SWT1: variants seen among roughly 807,000 people sequenced by gnomAD.
SWT1 encodes SWT1 RNA endoribonuclease homolog, also known as transcriptional protein SWT1.
A neutral mutation model predicts 107.3 loss-of-function variants in SWT1; 33 were observed. The ratio of observed to expected loss-of-function variants is 0.31; its 90% CI spans 0.23 to 0.41. The LOEUF (loss-of-function observed/expected upper bound fraction) is 0.41, where lower values mean the gene tolerates loss of function less well. Among genes scored for constraint, SWT1 ranks in the 10% least tolerant of loss-of-function variants. The pLI, the probability that SWT1 is intolerant of heterozygous loss-of-function variation, is 1.00. For synonymous variants in SWT1, 345 were observed against 348.3 expected (o/e 0.99, Z 0.11); for missense variants, 898 against 1,028.9 (o/e 0.87, Z 1.74).
intron 16 of SWT1, among the ~76,000 whole-genome samples, chr1:185,265,533 C>T (rs548167915): frequency 3.9e-5 from 6 of 152,244 alleles, no homozygotes; most frequent in South Asian, 4.1e-4. Context: ...TTGATAATAT[C>T]GTTCAGACAT....
rs371457115 is a variant in SWT1 at position 185,231,557 on chromosome 1, C to G, written c.2310-20C>G. 4.4e-6 allele frequency: 7 copies of G among 1,576,984 alleles called. No homozygotes were observed. Among genetic ancestry groups the G allele is most frequent in the African/African-American group, 4.1e-5 (3 of 73,644 alleles). On this transcript the variant is annotated intron_variant, in intron 15 of 18. Transcript: ENST00000367500. ...AATATGTATGTATACCTATGAGTAT[C>G]TTTTTTTTCTCTATTTTAGCACGGA...
chr1:185,262,773 A>C (rs1326682361), intron 16 of SWT1, among the ~76,000 whole-genome samples: 3 of 150,152 alleles, frequency 2.0e-5, no homozygotes. Flanking sequence ...CACTTTGTCC[A>C]AATTTCTTCT....
rs772420546 is a variant in SWT1 at position 185,175,039 on chromosome 1, C to T, written c.892C>T (p.His298Tyr). 4 of 1,601,562 alleles carry T rather than the reference C, an allele frequency of 2.5e-6. No homozygotes were observed. The highest frequency in any genetic ancestry group is 2.6e-6 in the Non-Finnish European group (3 of 1,175,228). Reference protein sequence around the residue: ...LSDFTYKRTVHEWKRKHHYDH... With the variant: ...LSDFTYKRTVYEWKRKHHYDH... ...AGATTTTACATATAAGCGGACTGTT[C>T]ATGAGTGGAAACGAAAACATCATTA... Residue 298 changes from histidine (H) to tyrosine (Y), a missense_variant, in exon 5 of 19, where the codon CAT (histidine) becomes TAT (tyrosine). Physicochemically the swap from His to Tyr is moderately conservative, Grantham distance 83. This residue lies in a region of SWT1 where 382 missense variants were observed against 362.4 expected (regional missense o/e 1.05). Transcript: ENST00000367500.
intron 16 of SWT1, among the ~76,000 whole-genome samples, chr1:185,258,980 T>G (rs1662829650): frequency 6.6e-6 from 1 of 152,170 alleles, no homozygotes; most frequent in Non-Finnish European, 1.5e-5. Flanking sequence ...GACTGTTATT[T>G]TATTTTTTCC....
intron 1 of SWT1, among the ~76,000 whole-genome samples, chr1:185,158,871 G>A (rs1653890195): frequency 6.6e-6 from 1 of 152,176 alleles, no homozygotes; most frequent in Non-Finnish European, 1.5e-5. Flanking sequence ...GGTTGATCTG[G>A]CTTTGGGTCT....
intron 4 of SWT1, chr1:185,171,611 G>C (rs1357597901): frequency 2.0e-6 from 1 of 510,566 alleles, no homozygotes; most frequent in African/African-American, 2.0e-5. Context: ...CAGCATCCAT[G>C]ATCCGTCTTC....
chr1:185,159,803 C>T (rs1329548508), intron 1 of SWT1, among the ~76,000 whole-genome samples: 2 of 152,098 alleles, frequency 1.3e-5, no homozygotes, highest in African/African-American at 4.8e-5. Flanking sequence ...TTACTCACTA[C>T]AACCTCTGCC....
chr1:185,246,047 T>C (rs1661583747), intron 16 of SWT1, among the ~76,000 whole-genome samples: 1 of 151,830 alleles, frequency 6.6e-6, no homozygotes, highest in African/African-American at 2.4e-5. Context: ...AGATTACAGG[T>C]GTGAGCCACC....
chr1:185,235,064 C>T (rs754456948), intron 16 of SWT1, among the ~76,000 whole-genome samples: 1 of 152,036 alleles, frequency 6.6e-6, no homozygotes, highest in Non-Finnish European at 1.5e-5. Flanking sequence ...ATTGAGGCAG[C>T]AATTAATAGC....
intron 4 of SWT1, among the ~76,000 whole-genome samples, chr1:185,169,134 G>C (rs1291598486): frequency 6.6e-6 from 1 of 152,074 alleles, no homozygotes. Context: ...TCTGTCTTTT[G>C]TTCACTTTTT....
At chr1:185,280,757 G>A (rs1664564091) in intron 18 of SWT1, 1 of 266,644 alleles carries the variant, frequency 3.8e-6, no homozygotes, top group Non-Finnish European at 7.5e-6. Flanking sequence ...AGGAGAAGCT[G>A]GGCCTGGAGG....
chr1:185,228,169 G>GTATATATATA lies in SWT1; in HGVS notation c.2310-3397_2310-3388dup, dbSNP rs757812651. Among the ~76,000 whole-genome samples, 169 of 79,288 alleles carry GTATATATATA rather than the reference G, an allele frequency of 2.1e-3. 3 individuals are homozygous for GTATATATATA. Among genetic ancestry groups the GTATATATATA allele is most frequent in the South Asian group, 0.018 (44 of 2,430 alleles). The allele number at this position is 79,288 out of a possible 152,430, so 52.0% of individuals were successfully genotyped here. On this transcript the variant is annotated intron_variant, in intron 15 of 18. Transcript: ENST00000367500. ...AGTATGTCACATTAAAAAAAAATGT[G>GTATATATATA]TATATATATATATATATATACATAT...
chr1:185,215,104 C>T lies in SWT1; in HGVS notation c.2121+449C>T, dbSNP rs185396979. On this transcript the variant is annotated intron_variant, in intron 14 of 18. Transcript: ENST00000367500. ...TTTACTTTTTATTTTGAAATAATTT[C>T]AAACTTATAAAATGGTTACAAGAGC... 1.5e-3 allele frequency among the ~76,000 whole-genome samples: 233 copies of T among 152,240 alleles called. 1 individual carries two copies. The highest frequency in any genetic ancestry group is 5.3e-3 in the African/African-American group (222 of 41,560).
chr1:185,282,002 A>G (rs1427469605), intron 18 of SWT1, among the ~76,000 whole-genome samples: 2 of 152,182 alleles, frequency 1.3e-5, no homozygotes, highest in African/African-American at 2.4e-5. Context: ...TCTTGTACCT[A>G]ATACTGCAGT....
chr1:185,209,058 T>TA (rs1302911887), intron 13 of SWT1, among the ~76,000 whole-genome samples: 1 of 152,098 alleles, frequency 6.6e-6, no homozygotes, highest in Admixed American at 6.6e-5. Flanking sequence ...GGTTTAGAAA[T>TA]ATGTGCATAC....
chr1:185,160,102 A>G (rs145843330), intron 1 of SWT1, among the ~76,000 whole-genome samples: 143 of 152,342 alleles, frequency 9.4e-4, no homozygotes, highest in African/African-American at 3.3e-3. Flanking sequence ...TAATGACACA[A>G]AGACTTAAAA....
chr1:185,256,708 TC>T (rs1662562070), intron 16 of SWT1, among the ~76,000 whole-genome samples: 1 of 151,324 alleles, frequency 6.6e-6, no homozygotes, highest in South Asian at 2.1e-4. Context: ...GTTTTCAACT[TC>T]TTTGCCTTTG....
intron 17 of SWT1, among the ~76,000 whole-genome samples, chr1:185,275,014 TA>T: frequency 6.6e-6 from 1 of 152,178 alleles, no homozygotes; most frequent in Admixed American, 6.5e-5. Context: ...TGTTCTTGGA[TA>T]AATGTCTAAA....
At chr1:185,168,467 A>G in intron 4 of SWT1, 69 bp downstream of exon 4, 1 of 988,160 alleles carries the variant, frequency 1.0e-6, no homozygotes. Flanking sequence ...GGATTTAAAA[A>G]TTTTTTTTAT....
Sources: gnomAD v4.1 joint callset for allele counts (sites outside exome capture counted in the v4.1 genomes callset) on GRCh38, gnomAD v4.1.1 for gene constraint, gnomAD v4.1.1 regional missense constraint, MANE v1.5 for transcripts, NCBI Gene and HGNC (gene_info 2026-07-23, HGNC 2026-07-21) for gene names.